The following GCNA variants were observed in gnomAD, a reference collection of about 807,000 sequenced individuals.
GCNA encodes the protein germ cell nuclear acidic peptidase.
GCNA carries 3 observed loss-of-function variants against 38.8 expected under a neutral mutation model. That is an observed-to-expected ratio of 0.08 (90% CI 0.04 to 0.20). The LOEUF (loss-of-function observed/expected upper bound fraction) is 0.20, where lower values mean the gene tolerates loss of function less well. Ranked by LOEUF, GCNA falls within the 10% of genes least tolerant of loss-of-function variation. The pLI is 1.00. For missense variants in GCNA, 446 were observed against 578.6 expected (o/e 0.77, Z 2.35); for synonymous variants, 195 against 240.2 (o/e 0.81, Z 1.74).
intron 6 of GCNA, among the ~76,000 whole-genome samples, chrX:71,596,409 A>G (rs2040672412): frequency 1.8e-5 from 2 of 111,912 alleles, no homozygotes; most frequent in South Asian, 3.8e-4. Context: ...ACAAGCATAT[A>G]TGGTAGTGTA....
intron 7 of GCNA, among the ~76,000 whole-genome samples, chrX:71,602,317 G>A (rs1187269508): frequency 9.0e-6 from 1 of 111,439 alleles, no homozygotes; most frequent in Non-Finnish European, 1.9e-5. Context: ...CTCCCAAGTA[G>A]CTGGGACCAC....
intron 7 of GCNA, among the ~76,000 whole-genome samples, chrX:71,599,889 T>C (rs1410370499): frequency 8.9e-6 from 1 of 112,431 alleles, no homozygotes; most frequent in Non-Finnish European, 1.9e-5. Flanking sequence ...TCCTTTTCTC[T>C]TCCCTTACTG....
rs148871677 is a variant in GCNA at position 71,608,821 on chromosome X, G to C, written c.1467-152G>C. ...AGGGTTGCAAAGAGAGAAGAGAAAA[G>C]GCTACAAATGAAGGCTTGGGAAATG... On this transcript the variant is annotated intron_variant, in intron 9 of 12. Coordinates refer to ENST00000373696, the MANE Select transcript of GCNA (RefSeq NM_052957.5). 794 of 673,692 alleles carry C rather than the reference G, an allele frequency of 1.2e-3. 11 individuals carry two copies. In the East Asian group the frequency reaches 0.029, roughly 24 times the overall value. 55.5% of individuals were successfully genotyped at this position (673,692 alleles called of 1,213,427 possible). A position where few individuals can be genotyped will look rare whatever the true frequency, so the allele number is the denominator to read the frequency against.
chrX:71,581,225 A>G (rs1000687217), intron 2 of GCNA, among the ~76,000 whole-genome samples: 2 of 112,239 alleles, frequency 1.8e-5, no homozygotes, highest in African/African-American at 3.3e-5. Context: ...GAGGTACACA[A>G]GTATTTTTCT....
At chrX:71,596,862 A>G (rs1345236136) in intron 6 of GCNA, among the ~76,000 whole-genome samples, 4 of 112,104 alleles carry the variant, frequency 3.6e-5, no homozygotes, top group Non-Finnish European at 7.5e-5. Flanking sequence ...GACAGACACC[A>G]TCAATAAACA....
chrX:71,585,676 A>G (rs572031119), intron 2 of GCNA, among the ~76,000 whole-genome samples: 4 of 109,839 alleles, frequency 3.6e-5, no homozygotes, highest in African/African-American at 1.3e-4. Context: ...TTCACTAACG[A>G]AGATAAGACT....
chrX:71,589,450 C>CTTTTTT (rs371046758), intron 2 of GCNA, among the ~76,000 whole-genome samples: 22 of 37,702 alleles, frequency 5.8e-4, no homozygotes, highest in Non-Finnish European at 8.9e-4. Context: ...CATATATTTC[C>CTTTTTT]TTTTTTTTTT....
intron 2 of GCNA, among the ~76,000 whole-genome samples, chrX:71,582,006 A>G (rs1009412568): frequency 2.7e-5 from 3 of 110,463 alleles, no homozygotes; most frequent in Non-Finnish European, 5.7e-5. Context: ...GACCTCAGAC[A>G]TTAAAATTTT....
At chrX:71,599,396 A>T (rs2040696218) in intron 7 of GCNA, among the ~76,000 whole-genome samples, 1 of 111,897 alleles carries the variant, frequency 8.9e-6, no homozygotes, top group Non-Finnish European at 1.9e-5. Flanking sequence ...AGCTGTTCAA[A>T]TGTGAAAGGA....
At chrX:71,591,679 G>A (rs5980767) in intron 2 of GCNA, among the ~76,000 whole-genome samples, 17,132 of 106,314 alleles carry the variant, frequency 0.16, 1,348 homozygotes, top group East Asian at 0.46. Flanking sequence ...TTGCTGTGTC[G>A]CCCACACTGC....
rs374031224 is a variant in GCNA at position 71,603,927 on chromosome X, A to G, written c.650A>G (p.Asp217Gly). 12 of 1,208,718 alleles carry G rather than the reference A, an allele frequency of 9.9e-6. No homozygotes were observed. In the African/African-American group the frequency reaches 1.6e-4, roughly 16 times the overall value. Reference protein sequence around the residue: ...DNSDDSDVPDDKSDDSDVPDD... With the variant: ...DNSDDSDVPDGKSDDSDVPDD... ...AGTGATGATTCGGATGTTCCCGACG[A>G]CAAGAGTGATGATTCGGATGTTCCC... The change falls in exon 8 of 13, where the codon GAC becomes GGC. Residue 217 changes from aspartate to glycine, a missense_variant. This residue lies in a region of GCNA where 118 missense variants were observed against 122.8 expected (regional missense o/e 0.96). Transcript: ENST00000373696.
chrX:71,593,521 C>T (rs1382175681), intron 4 of GCNA, among the ~76,000 whole-genome samples: 2 of 110,780 alleles, frequency 1.8e-5, no homozygotes, highest in Non-Finnish European at 3.8e-5. Context: ...TAGCAAGAGG[C>T]AAAGTAGCCT....
chrX:71,584,785 G>A (rs1034400962), intron 2 of GCNA, among the ~76,000 whole-genome samples: 1 of 110,260 alleles, frequency 9.1e-6, no homozygotes, highest in Non-Finnish European at 1.9e-5. Flanking sequence ...GGAGAATGGC[G>A]TGAACCTGGG....
intron 2 of GCNA, among the ~76,000 whole-genome samples, chrX:71,586,513 G>A (rs2040586684): frequency 8.9e-6 from 1 of 111,971 alleles, no homozygotes; most frequent in Non-Finnish European, 1.9e-5. Context: ...GGCATTACTG[G>A]GTAGATGGTG....
chrX:71,605,558 TG>T, intron 8 of GCNA, 104 bp from the exon 9 acceptor site: 1 of 591,815 alleles, frequency 1.7e-6, no homozygotes, highest in South Asian at 3.4e-5. Context: ...GAAGTTGCAC[TG>T]GGCTTGGCTG....
chrX:71,584,516 G>C (rs111682770), intron 2 of GCNA, among the ~76,000 whole-genome samples: 1,554 of 111,986 alleles, frequency 0.014, 16 homozygotes, highest in African/African-American at 0.046. Flanking sequence ...GCCTCCCAAA[G>C]TGCTGGGATT....
At chrX:71,609,354 C>G (rs766266149) in intron 10 of GCNA, among the ~76,000 whole-genome samples, 2 of 112,047 alleles carry the variant, frequency 1.8e-5, no homozygotes, top group South Asian at 3.7e-4. Context: ...CCTCAACAGC[C>G]AGGAAGTAAG....
chrX:71,610,474 G>A (rs1400249430), intron 10 of GCNA, among the ~76,000 whole-genome samples: 1 of 111,973 alleles, frequency 8.9e-6, no homozygotes, highest in African/African-American at 3.2e-5. Context: ...TTAGCTGGGT[G>A]TGGTGGCGCA....
chrX:71,606,128 C>A (rs2040767972), intron 9 of GCNA, among the ~76,000 whole-genome samples: 1 of 112,591 alleles, frequency 8.9e-6, no homozygotes, highest in Admixed American at 9.4e-5. Context: ...CCAGTTTGTG[C>A]TAAACCAAGG....
Sources: gnomAD v4.1 joint callset for allele counts (sites outside exome capture counted in the v4.1 genomes callset) on GRCh38, gnomAD v4.1.1 for gene constraint, gnomAD v4.1.1 regional missense constraint, MANE v1.5 for transcripts, NCBI Gene and HGNC (gene_info 2026-07-23, HGNC 2026-07-21) for gene names.